The following ANXA7 variants were observed in gnomAD, a reference collection of about 807,000 sequenced individuals.
The protein encoded by ANXA7 is annexin A7.
Under a neutral mutation model 64.9 loss-of-function variants are expected in ANXA7, and 55 were observed. The ratio of observed to expected loss-of-function variants is 0.85; its 90% CI spans 0.68 to 1.06. The LOEUF (loss-of-function observed/expected upper bound fraction) is 1.06. Among genes scored for constraint, ANXA7 ranks in the 50% least tolerant of loss-of-function variants. The probability of loss-of-function intolerance (pLI) is 0.00; values close to 1 mark genes in which losing one functional copy is unlikely to be tolerated. For synonymous variants in ANXA7, 200 were observed against 192.4 expected, an observed-to-expected ratio of 1.04 and a Z score of -0.33; for missense variants, 548 against 582.1, an observed-to-expected ratio of 0.94 and a Z score of 0.60.
At chr10:73,392,001 A>C (rs989199495) in intron 5 of ANXA7, among the ~76,000 whole-genome samples, 2 of 152,254 alleles carry the variant, frequency 1.3e-5, no homozygotes, top group Non-Finnish European at 2.9e-5. Flanking sequence ...GACGCAATAA[A>C]AAATGATAAA....
chr10:73,393,296 C>T (rs1169143337), intron 5 of ANXA7, among the ~76,000 whole-genome samples: 2 of 152,016 alleles, frequency 1.3e-5, no homozygotes, highest in East Asian at 1.9e-4. Context: ...AGGTAATTTA[C>T]AGATTCAATG....
chr10:73,397,951 T>G (rs1189727711), intron 3 of ANXA7, among the ~76,000 whole-genome samples: 2 of 152,172 alleles, frequency 1.3e-5, no homozygotes. Flanking sequence ...TTTATTGCCA[T>G]GAAATTTATT....
intron 1 of ANXA7, among the ~76,000 whole-genome samples, chr10:73,406,176 G>A (rs372906847): frequency 3.8e-4 from 58 of 152,090 alleles, no homozygotes; most frequent in Non-Finnish European, 6.6e-4. Flanking sequence ...GGCTGGTCTC[G>A]AACTCCTGAC....
intron 1 of ANXA7, among the ~76,000 whole-genome samples, chr10:73,412,281 C>T: frequency 6.6e-6 from 1 of 151,946 alleles, no homozygotes; most frequent in Non-Finnish European, 1.5e-5. Flanking sequence ...GTGATCCTCC[C>T]GCCTAGGCCT....
At chr10:73,379,097 C>T in intron 11 of ANXA7, 74 bp from the exon 12 acceptor site, 1 of 974,150 alleles carries the variant, frequency 1.0e-6, no homozygotes, top group Non-Finnish European at 1.5e-6. Context: ...TCATTTATCA[C>T]TTATAGCCTG....
intron 12 of ANXA7, among the ~76,000 whole-genome samples, chr10:73,377,763 G>GTGGGT (rs2055198451): frequency 7.1e-6 from 1 of 140,316 alleles, no homozygotes; most frequent in Admixed American, 6.9e-5. Flanking sequence ...CATGCCGGGG[G>GTGGGT]GTGGGTGTGG....
At chr10:73,401,604 AT>A (rs1248344995) in intron 1 of ANXA7, among the ~76,000 whole-genome samples, 1 of 151,856 alleles carries the variant, frequency 6.6e-6, no homozygotes, top group African/African-American at 2.4e-5. Flanking sequence ...GGTCCAAGTG[AT>A]TCTCCTGCCT....
At chr10:73,405,754 G>A (rs2055746816) in intron 1 of ANXA7, among the ~76,000 whole-genome samples, 1 of 152,156 alleles carries the variant, frequency 6.6e-6, no homozygotes, top group African/African-American at 2.4e-5. Flanking sequence ...GGCAAAAGGT[G>A]AGACGTAACT....
chr10:73,398,872 A>G (rs2055617581), intron 2 of ANXA7, among the ~76,000 whole-genome samples: 1 of 152,220 alleles, frequency 6.6e-6, no homozygotes, highest in Non-Finnish European at 1.5e-5. Context: ...TTCATGGTTC[A>G]GAGCAGCAAT....
rs1196692800 is a variant in ANXA7 at position 73,394,257 on chromosome 10, T to C, written c.435+2262A>G. On this transcript the variant is annotated intron_variant, in intron 5 of 12. Transcript: ENST00000372921. Reference sequence around the variant, plus strand: ...GAGAAATAGGAACACTTTTACACTGTTGGTGGGACTGTAAACTAGTTCAAC... The same window carrying C: ...GAGAAATAGGAACACTTTTACACTGCTGGTGGGACTGTAAACTAGTTCAAC... Among the ~76,000 whole-genome samples the C allele has an allele frequency of 1.1e-4, 17 of 152,354 alleles. No individual in the cohort carries two copies. In the East Asian group the frequency reaches 3.1e-3, roughly 28 times the overall value.
At chr10:73,399,130 G>T (rs1474334959) in intron 2 of ANXA7, among the ~76,000 whole-genome samples, 1 of 152,132 alleles carries the variant, frequency 6.6e-6, no homozygotes, top group African/African-American at 2.4e-5. Flanking sequence ...TCCAGTGGAG[G>T]ACTCCAAAGT....
At chr10:73,392,652 C>G (rs1341956272) in intron 5 of ANXA7, among the ~76,000 whole-genome samples, 1 of 152,200 alleles carries the variant, frequency 6.6e-6, no homozygotes, top group Admixed American at 6.5e-5. Flanking sequence ...AATTTAACAG[C>G]ACTTCATGCT....
At chr10:73,412,595 G>GC (rs1162959722) in intron 1 of ANXA7, among the ~76,000 whole-genome samples, 1 of 150,674 alleles carries the variant, frequency 6.6e-6, no homozygotes, top group Non-Finnish European at 1.5e-5. Flanking sequence ...CCGGGTTCAA[G>GC]CGACTCTCCT....
chr10:73,407,444 C>T (rs1350911213), intron 1 of ANXA7, among the ~76,000 whole-genome samples: 3 of 152,064 alleles, frequency 2.0e-5, no homozygotes, highest in Admixed American at 6.6e-5. Flanking sequence ...TCAGTAGCTC[C>T]AGGATGGGGC....
At chr10:73,383,510 C>A in intron 8 of ANXA7, 67 bp downstream of exon 8, 1 of 1,367,924 alleles carries the variant, frequency 7.3e-7, no homozygotes, top group Non-Finnish European at 1.0e-6. Flanking sequence ...TCAGAACTGT[C>A]ATAATTTGTA....
In ANXA7 at chr10:73,403,954, G is replaced by C. The variant is rs576822851; in HGVS notation, c.-1-3097C>G. Among the ~76,000 whole-genome samples the C allele has an allele frequency of 5.9e-5, 9 of 152,314 alleles. 1 individual carries two copies. The South Asian group carries it at 1.9e-3, about 32-fold the overall frequency. The stretch of plus-strand genomic sequence containing the variant: ...AATTAAGTAAAAGAACAAAGGCAAA[G>C]CATTTAGCAGTGCCTGCAATAAAGT... On this transcript the variant is annotated intron_variant, in intron 1 of 12. Transcript: ENST00000372921.
intron 1 of ANXA7, among the ~76,000 whole-genome samples, chr10:73,401,202 C>A (rs895924979): frequency 6.6e-6 from 1 of 151,904 alleles, no homozygotes; most frequent in African/African-American, 2.4e-5. Flanking sequence ...CCGCGCCCAG[C>A]CTGTAATTTC....
chr10:73,388,838 C>A (rs889347336), intron 5 of ANXA7, among the ~76,000 whole-genome samples: 1 of 152,138 alleles, frequency 6.6e-6, no homozygotes, highest in African/African-American at 2.4e-5. Context: ...AGATTTCAAA[C>A]CAGCAATATA....
At chr10:73,388,564 A>C in intron 5 of ANXA7, 150 bp from the exon 6 acceptor site, 1 of 600,746 alleles carries the variant, frequency 1.7e-6, no homozygotes, top group Non-Finnish European at 3.0e-6. Flanking sequence ...ACCAGAGCTC[A>C]TTATGGAACA....
Sources: allele counts gnomAD v4.1 joint callset (sites outside exome capture counted in the v4.1 genomes callset), GRCh38; gene constraint gnomAD v4.1.1; transcripts MANE v1.5; gene names NCBI Gene and HGNC (gene_info 2026-07-23, HGNC 2026-07-21).